The following LRRC56 variants were observed in gnomAD, a reference collection of about 807,000 sequenced individuals.
LRRC56 encodes the protein leucine-rich repeat-containing protein 56.
A neutral mutation model predicts 47.8 loss-of-function variants in LRRC56; 41 were observed. The observed-to-expected ratio is 0.86, with a 90% confidence interval of 0.67 to 1.11. LRRC56 has a LOEUF of 1.11. LRRC56 is among the 50% of genes most tolerant of loss of function. The probability of loss-of-function intolerance (pLI) is 0.00; values close to 1 mark genes in which losing one functional copy is unlikely to be tolerated. For missense variants in LRRC56, 759 were observed against 704.2 expected, an observed-to-expected ratio of 1.08 and a Z score of -0.88; for synonymous variants, 387 against 311.2, an observed-to-expected ratio of 1.24 and a Z score of -2.56.
At chr11:523,354 CGGGCGTGGTGGCTCATGCCTGTAA>C in the LRRC56 span, among the ~76,000 whole-genome samples, 1 of 147,990 alleles carries the variant, frequency 6.8e-6, no homozygotes, top group Admixed American at 6.8e-5. Flanking sequence ...ATCTGGGGGC[CGGGCGTGGTGGCTCATGCCTGTAA>C]TCCCAGCACT....
intron 6 of LRRC56, among the ~76,000 whole-genome samples, chr11:547,295 A>G (rs1852133429): frequency 6.7e-6 from 1 of 149,874 alleles, no homozygotes; most frequent in African/African-American, 2.5e-5. Flanking sequence ...AGTAAATGAT[A>G]TTCTAATGGA....
At chr11:540,360 G>A (rs1287541838) in intron 3 of LRRC56, among the ~76,000 whole-genome samples, 1 of 152,224 alleles carries the variant, frequency 6.6e-6, no homozygotes, top group African/African-American at 2.4e-5. Flanking sequence ...CTCAGGTGGG[G>A]AGGCCTGAAG....
At chr11:553,668 G>A (rs1455920936) in intron 13 of LRRC56, among the ~76,000 whole-genome samples, 4 of 152,202 alleles carry the variant, frequency 2.6e-5, no homozygotes, top group Non-Finnish European at 5.9e-5. Context: ...ACAGATGACC[G>A]AGGGTCAGAG....
At chr11:519,268 G>C in the LRRC56 span, among the ~76,000 whole-genome samples, 389 of 149,806 alleles carry the variant, frequency 2.6e-3, 6 homozygotes, top group African/African-American at 9.1e-3. Flanking sequence ...AGCTTTATTA[G>C]AACGCGGGCT....
chr11:534,331 A>C, upstream of LRRC56: 1 of 1,608,738 alleles, frequency 6.2e-7, no homozygotes, highest in East Asian at 2.2e-5. Context: ...ATCGCTCCTC[A>C]GGGGCCTGCG....
At chr11:524,921 T>C in the LRRC56 span, among the ~76,000 whole-genome samples, 1 of 150,648 alleles carries the variant, frequency 6.6e-6, no homozygotes, top group Non-Finnish European at 1.5e-5. Flanking sequence ...TGAAACCCTA[T>C]CTCTACTAAA....
chr11:533,376 G>A (rs370743041), upstream of LRRC56: 43 of 1,603,490 alleles, frequency 2.7e-5, no homozygotes, highest in Non-Finnish European at 3.7e-5. Context: ...AAGGGAGAGG[G>A]TCAGTGAGTG....
At chr11:544,819 AG>A in intron 6 of LRRC56, 39 bp downstream of exon 6, 1 of 1,225,490 alleles carries the variant, frequency 8.2e-7, no homozygotes, top group Non-Finnish European at 1.1e-6. Context: ...CCCTGCCATG[AG>A]GGGGTCCGAT....
chr11:523,172 G>T, the LRRC56 span, among the ~76,000 whole-genome samples: 2 of 152,066 alleles, frequency 1.3e-5, no homozygotes, highest in Admixed American at 6.5e-5. Context: ...GGGATTACAG[G>T]CACGCACCAC....
rs371111788 is a variant in LRRC56, at chr11:540,817, C to G, written c.133C>G (p.Leu45Val). ...GGGCCCTGGCAGTCAGAGGGACAGA[C>G]TTGGAGAGCAGCTGGTGGAAGAGTA... Reference protein sequence around the residue: ...SKGPGSQRDRLGEQLVEEYLS... With the variant: ...SKGPGSQRDRVGEQLVEEYLS... Residue 45 changes from leucine (L) to valine (V), a missense_variant, in exon 4 of 14, where the codon CTT becomes GTT. Coordinates refer to ENST00000270115, the MANE Select transcript of LRRC56 (RefSeq NM_198075.4). 6.3e-7 allele frequency: 1 copy of G among 1,595,822 alleles called. No individual in the cohort carries two copies.
At chr11:531,968 T>C in the LRRC56 span, among the ~76,000 whole-genome samples, 3 of 152,162 alleles carry the variant, frequency 2.0e-5, no homozygotes, top group Non-Finnish European at 4.4e-5. Context: ...ACCACCTCCC[T>C]CTGGAGGACC....
At chr11:507,775 C>G in the LRRC56 span, among the ~76,000 whole-genome samples, 1 of 152,236 alleles carries the variant, frequency 6.6e-6, no homozygotes, top group Non-Finnish European at 1.5e-5. Context: ...TCGCGACCCC[C>G]GAGGGAGCCA....
upstream of LRRC56, among the ~76,000 whole-genome samples, chr11:536,113 A>C (rs1851481648): frequency 6.6e-6 from 1 of 152,126 alleles, no homozygotes; most frequent in African/African-American, 2.4e-5. Context: ...CACGCACCCC[A>C]GCTCCCCTAC....
At position 541,363 on chromosome 11, in the gene LRRC56, G is replaced by A. The variant is rs1851782276; in HGVS notation, c.178-174G>A. On this transcript the variant is annotated intron_variant, in intron 4 of 13. Transcript: ENST00000270115. This position sits in a 1 kb window ranked among gnomAD's most constrained non-coding sequence, Gnocchi z 4.1. The stretch of plus-strand genomic sequence containing the variant: ...CCCAGCCAAGTGCAGCACAAGCTCT[G>A]CTCCTGTCACATCCACTCCCATCCC... Among the ~76,000 whole-genome samples the A allele has an allele frequency of 6.6e-6, 1 of 152,200 alleles. No homozygotes were observed. The highest frequency in any genetic ancestry group is 2.4e-5 in the African/African-American group (1 of 41,448).
upstream of LRRC56, chr11:537,178 C>G (rs1329894654): frequency 6.6e-6 from 1 of 152,270 alleles, no homozygotes. Context: ...CAGCAGAGAC[C>G]GCCTTTACCC....
At chr11:551,610 A>G (rs749139464) in intron 9 of LRRC56, 41 bp from the exon 10 acceptor site, 6 of 1,520,502 alleles carry the variant, frequency 3.9e-6, no homozygotes, top group South Asian at 3.9e-5. Flanking sequence ...GGGCGCTCTC[A>G]GGCTGGGCCT....
rs111551930 is a variant in LRRC56, at chr11:541,961, A to G, written c.265+337A>G. Among the ~76,000 whole-genome samples the G allele has an allele frequency of 0.22, 390 of 1,778 alleles. 12 individuals are homozygous for G. Among genetic ancestry groups the G allele is most frequent in the South Asian group, 0.29 (17 of 58 alleles). The allele number at this position is 1,778 out of a possible 152,430, so 1.2% of individuals were successfully genotyped here. A position where few individuals can be genotyped will look rare whatever the true frequency, so the allele number is the denominator to read the frequency against. ...CGCCAGTACCCCCGGCACGCTCAGT[A>G]CCCCACACACCCACGCCAGTACCCC... On this transcript the variant is annotated intron_variant, in intron 5 of 13. Coordinates refer to ENST00000270115, the MANE Select transcript of LRRC56 (RefSeq NM_198075.4). The surrounding 1 kb of genome is among the most constrained non-coding windows in gnomAD (Gnocchi z 4.1).
Position 546,290 on chromosome 11 carries a change from C to G in LRRC56, c.326+1510C>G, listed in dbSNP as rs555628698. On this transcript the variant is annotated intron_variant, in intron 6 of 13. Transcript: ENST00000270115. ...TCTGCCTCAAAAAAATAAAGTAGGC[C>G]AGGCACAGTGGTTCACGCCTGTAAT... Among the ~76,000 whole-genome samples the G allele has an allele frequency of 2.6e-5, 4 of 151,968 alleles. No homozygotes were observed. In the South Asian group the frequency reaches 8.3e-4, roughly 32 times the overall value.
intron 5 of LRRC56, among the ~76,000 whole-genome samples, chr11:542,580 C>CAAAAAAAAAAAA (rs71022928): frequency 7.7e-5 from 2 of 25,998 alleles, no homozygotes; most frequent in African/African-American, 4.3e-4. Flanking sequence ...AACCCTGTCG[C>CAAAAAAAAAAAA]AAAAAAAAAA....
Sources: allele counts gnomAD v4.1 joint callset (sites outside exome capture counted in the v4.1 genomes callset), GRCh38; gene constraint gnomAD v4.1.1; non-coding constraint Gnocchi (gnomAD v3.1); transcripts MANE v1.5; gene names NCBI Gene and HGNC (gene_info 2026-07-23, HGNC 2026-07-21).